Variants in ACLY observed in about 807,000 individuals in gnomAD.
ACLY encodes the protein ATP-citrate synthase.
In ACLY, 41 loss-of-function variants were observed where a neutral mutation model predicts 133.0. The observed-to-expected ratio is 0.31, with a 90% confidence interval of 0.24 to 0.40. The LOEUF (loss-of-function observed/expected upper bound fraction) is 0.40, where lower values mean the gene tolerates loss of function less well. Ranked by LOEUF, ACLY falls within the 10% of genes least tolerant of loss-of-function variation. The pLI is 1.00. For missense variants in ACLY, 1,046 were observed against 1,453.8 expected, an observed-to-expected ratio of 0.72 and a Z score of 4.56; for synonymous variants, 495 against 549.3, an observed-to-expected ratio of 0.90 and a Z score of 1.38.
intron 20 of ACLY, among the ~76,000 whole-genome samples, chr17:41,882,662 T>C (rs1555627579): frequency 6.6e-6 from 1 of 152,040 alleles, no homozygotes; most frequent in African/African-American, 2.4e-5. Flanking sequence ...TCAAGTACAT[T>C]TTATCATTTT....
upstream of ACLY, among the ~76,000 whole-genome samples, chr17:41,922,955 C>T (rs781922654): frequency 1.3e-5 from 2 of 152,214 alleles, no homozygotes; most frequent in Non-Finnish European, 2.9e-5. Context: ...CTCATTACCC[C>T]ACCATGCACC....
chr17:41,884,209 A>G lies in ACLY; in HGVS notation c.2138T>C (p.Ile713Thr). 2 of 1,608,714 alleles carry G rather than the reference A, an allele frequency of 1.2e-6. No homozygotes were observed. The highest frequency in any genetic ancestry group is 1.7e-6 in the Non-Finnish European group (2 of 1,175,204). ...GTAACTCACCTCTCCAAGAACCACAATCATTTTGACTCCTGGAGTGTCCTG... is the reference window on the plus strand; with the variant it reads ...GTAACTCACCTCTCCAAGAACCACAGTCATTTTGACTCCTGGAGTGTCCTG... ...RYQDTPGVKMIVVLGEIGGTE... is the reference protein window; with the variant it reads ...RYQDTPGVKMTVVLGEIGGTE... Residue 713 changes from isoleucine (I) to threonine (T), a missense_variant, in exon 19 of 29, where the codon ATT (isoleucine) becomes ACT (threonine). By Grantham distance (89) the Ile-to-Thr change is moderately conservative. Coordinates refer to ENST00000352035, the MANE Select transcript of ACLY (RefSeq NM_001096.3).
rs370044324 is a variant in ACLY, at chr17:41,909,474, C to T, written c.536+36G>A. 18 of 1,602,534 alleles carry T rather than the reference C, an allele frequency of 1.1e-5. No individual in the cohort carries two copies. In the African/African-American group the frequency reaches 1.5e-4, roughly 13 times the overall value. On this transcript the variant is annotated intron_variant, in intron 5 of 28. Transcript: ENST00000352035. ...CCCAGAGCCTGTCGGTCTTCTCATC[C>T]GAACTGCCACCTCCCTACCGTCCCT...
intron 1 of ACLY, among the ~76,000 whole-genome samples, chr17:41,925,884 G>A (rs1173698038): frequency 1.3e-5 from 2 of 151,436 alleles, no homozygotes; most frequent in African/African-American, 4.9e-5. Flanking sequence ...TTGCTCTGTC[G>A]CCCAGGCTGG....
In ACLY at chr17:41,910,248, T is replaced by A. The variant is rs2049860662; in HGVS notation, c.319A>T (p.Ile107Phe). The A allele has an allele frequency of 6.2e-7, 1 of 1,613,752 alleles. No individual in the cohort carries two copies. The highest frequency in any genetic ancestry group is 1.1e-5 in the South Asian group (1 of 90,982). ...TGACTGTGGGGGACGAAGGGCTCGATCAGAAAGTTCTTGAGGAAGCCTGTG... is the reference window on the plus strand; with the variant it reads ...TGACTGTGGGGGACGAAGGGCTCGAACAGAAAGTTCTTGAGGAAGCCTGTG... Reference protein sequence around the residue: ...KATGFLKNFLIEPFVPHSQAE... With the variant: ...KATGFLKNFLFEPFVPHSQAE... Residue 107 changes from isoleucine to phenylalanine, a missense_variant, in exon 4 of 29, where the codon ATC becomes TTC. Ile to Phe is a conservative substitution (Grantham distance 21). Coordinates refer to ENST00000352035, the MANE Select transcript of ACLY (RefSeq NM_001096.3).
chr17:41,929,987 G>C (rs1371750679), intron 1 of ACLY, among the ~76,000 whole-genome samples: 1 of 152,128 alleles, frequency 6.6e-6, no homozygotes, highest in African/African-American at 2.4e-5. Context: ...AGCTACTTAG[G>C]GTATCGTTGG....
chr17:41,868,898 G>C lies in ACLY; in HGVS notation c.3135-113C>G. Reference sequence around the variant, plus strand: ...AAGAAAAGGGGTGCTCTGGGTGGTAGCATTACAGGCAATTTTTGTTTTCTT... The same window carrying C: ...AAGAAAAGGGGTGCTCTGGGTGGTACCATTACAGGCAATTTTTGTTTTCTT... On this transcript the variant is annotated intron_variant, in intron 27 of 28. Coordinates refer to ENST00000352035, the MANE Select transcript of ACLY (RefSeq NM_001096.3). 8.2e-6 allele frequency: 11 copies of C among 1,337,930 alleles called. No individual in the cohort carries two copies. The South Asian group carries it at 1.3e-4, about 16-fold the overall frequency. The allele number at this position is 1,337,930 out of a possible 1,614,324, so 82.9% of individuals were successfully genotyped here.
At chr17:41,915,210 G>A (rs2050019864) in intron 1 of ACLY, among the ~76,000 whole-genome samples, 1 of 152,182 alleles carries the variant, frequency 6.6e-6, no homozygotes, top group Admixed American at 6.5e-5. Context: ...TCTCCTGTGG[G>A]TAACTCAAGG....
At chr17:41,921,496 C>G (rs76863145), upstream of ACLY, among the ~76,000 whole-genome samples, 164 of 133,154 alleles carry the variant, frequency 1.2e-3, 3 homozygotes, top group Middle Eastern at 4.3e-3. Context: ...AAAAAAAAAA[C>G]AAAAAAGAAA....
chr17:41,872,089 A>G lies in ACLY; in HGVS notation c.2736T>C (p.Ile912=). Residue 912 remains isoleucine, a synonymous_variant, in exon 24 of 29, where the codon ATT becomes ATC. Coordinates refer to ENST00000352035, the MANE Select transcript of ACLY (RefSeq NM_001096.3). ...CCAGGTCTTTCCCAGCTCGCGCACA[A>G]ATGATGGTGTTGTGGGCTCCAGAGA... The part of the protein sequence containing the change: ...PAVSGAHNTI[I]CARAGKDLVS... The G allele has an allele frequency of 6.2e-7, 1 of 1,614,066 alleles. No homozygotes were observed. The highest frequency in any genetic ancestry group is 8.5e-7 in the Non-Finnish European group (1 of 1,179,976).
In ACLY at chr17:41,901,678, A is replaced by G. The variant is rs1351883761; in HGVS notation, c.1183+18T>C. Reference sequence around the variant, plus strand: ...CCCACACTCAGGGTGAGGGGGAGAGAAAAGGTCCTCATCTTACCGACTTCT... The same window carrying G: ...CCCACACTCAGGGTGAGGGGGAGAGGAAAGGTCCTCATCTTACCGACTTCT... On this transcript the variant is annotated intron_variant, in intron 11 of 28. Transcript: ENST00000352035. 8.7e-6 allele frequency: 14 copies of G among 1,603,212 alleles called. No individual in the cohort carries two copies. In the Admixed American group the frequency reaches 2.2e-4, roughly 25 times the overall value.
chr17:41,928,870 A>AT (rs1555636261), intron 1 of ACLY, among the ~76,000 whole-genome samples: 1 of 150,154 alleles, frequency 6.7e-6, no homozygotes, highest in East Asian at 2.0e-4. Flanking sequence ...AAAAAAAAAA[A>AT]GCTGCTGGAG....
chr17:41,886,165 G>T lies in ACLY; in HGVS notation c.2019C>A (p.Ile673=), dbSNP rs1555628096. Residue 673 remains isoleucine (I), a synonymous_variant, in exon 18 of 29, where the codon ATC becomes ATA. Coordinates refer to ENST00000352035, the MANE Select transcript of ACLY (RefSeq NM_001096.3). ...SGGMSNELNN[I]ISRTTDGVYE... ...AGACGCCATCCGTGGTCCGAGAGAT[G>T]ATATTGTTGAGCTCGTTGGACATGC... 1.2e-6 allele frequency: 2 copies of T among 1,614,172 alleles called. No individual in the cohort carries two copies. Among genetic ancestry groups the T allele is most frequent in the Non-Finnish European group, 1.7e-6 (2 of 1,180,016 alleles).
intron 11 of ACLY, among the ~76,000 whole-genome samples, chr17:41,899,938 A>T (rs1421375628): frequency 4.0e-5 from 6 of 151,708 alleles, no homozygotes; most frequent in Admixed American, 2.6e-4. Flanking sequence ...TTATTGTGGC[A>T]TGTATCTGTA....
At chr17:41,904,223 G>C in intron 10 of ACLY, among the ~76,000 whole-genome samples, 1 of 102,716 alleles carries the variant, frequency 9.7e-6, no homozygotes, top group South Asian at 4.5e-4. Context: ...AAGGGAGGGA[G>C]GAAAGGAAGG....
At chr17:41,897,077 C>T (rs1225785112) in intron 13 of ACLY, among the ~76,000 whole-genome samples, 1 of 152,164 alleles carries the variant, frequency 6.6e-6, no homozygotes, top group Non-Finnish European at 1.5e-5. Context: ...GTGCCATGGA[C>T]AAGGATGCTG....
intron 18 of ACLY, 118 bp from the exon 19 acceptor site, chr17:41,884,392 CAG>C: frequency 2.9e-6 from 2 of 686,084 alleles, no homozygotes; most frequent in East Asian, 5.1e-5. Flanking sequence ...TGTGGATGGC[CAG>C]TAAGGGTCCA....
chr17:41,867,938 G>A (rs1555624222), intron 28 of ACLY, 34 bp from the exon 29 acceptor site: 1 of 1,482,366 alleles, frequency 6.7e-7, no homozygotes, highest in East Asian at 2.3e-5. Context: ...TTTTATTAGA[G>A]CTTCATAAGC....
chr17:41,930,287 G>C (rs1421867101), intron 1 of ACLY: 2 of 154,384 alleles, frequency 1.3e-5, no homozygotes, highest in African/African-American at 4.8e-5. Context: ...AGCGAAGTCA[G>C]CCCAAGTCTG....
Sources: allele counts gnomAD v4.1 joint callset (sites outside exome capture counted in the v4.1 genomes callset), GRCh38; gene constraint gnomAD v4.1.1; transcripts MANE v1.5; gene names NCBI Gene and HGNC (gene_info 2026-07-23, HGNC 2026-07-21).